Variants in PKD1 observed in about 807,000 individuals in gnomAD.
The protein encoded by PKD1 is polycystin-1.
Under a neutral mutation model 361.7 loss-of-function variants are expected in PKD1, and 81 were observed. The observed-to-expected ratio is 0.22, with a 90% CI of 0.19 to 0.27. The LOEUF is 0.27. Among genes scored for constraint, PKD1 ranks in the 10% least tolerant of loss-of-function variants. The pLI is 1.00. For synonymous variants in PKD1, 3,615 were observed against 2,818.3 expected, an observed-to-expected ratio of 1.28 and a Z score of -8.95; for missense variants, 6,399 against 6,118.3, an observed-to-expected ratio of 1.05 and a Z score of -1.53.
intron 1 of PKD1, among the ~76,000 whole-genome samples, chr16:2,126,547 C>T (rs1305741261): frequency 2.0e-5 from 3 of 152,272 alleles, no homozygotes; most frequent in Non-Finnish European, 4.4e-5. Context: ...TGGGAAAGGG[C>T]GTGAGCTGCA....
chr16:2,120,921 G>A (rs753238042), intron 1 of PKD1, among the ~76,000 whole-genome samples: 15 of 152,070 alleles, frequency 9.9e-5, no homozygotes, highest in Non-Finnish European at 2.1e-4. Flanking sequence ...GGAGGCTGAG[G>A]CAGGAGAATC....
At chr16:2,098,355 CCT>C (rs1200959528) in intron 30 of PKD1, among the ~76,000 whole-genome samples, 2 of 152,016 alleles carry the variant, frequency 1.3e-5, no homozygotes, top group African/African-American at 4.8e-5. Flanking sequence ...ATTACAGGTG[CCT>C]GCCACCATGC....
At chr16:2,093,336 TG>T in intron 37 of PKD1, 1 of 669,268 alleles carries the variant, frequency 1.5e-6, no homozygotes, top group Non-Finnish European at 2.5e-6. Flanking sequence ...CAGGCAGGAG[TG>T]GGCATTGGAG....
rs199878927 is a variant in PKD1 at position 2,090,148 on chromosome 16, C to T, written c.12491G>A (p.Arg4164His). The T allele has an allele frequency of 4.1e-5, 66 of 1,594,500 alleles. No individual in the cohort carries two copies. In the South Asian group the frequency reaches 6.9e-4, roughly 17 times the overall value. Residue 4164 changes from arginine (R) to histidine (H), a missense_variant, in exon 46 of 46, where the codon CGC becomes CAC. Physicochemically the swap from Arg to His is conservative, Grantham distance 29 (BLOSUM62 0). Coordinates refer to ENST00000262304, the MANE Select transcript of PKD1 (RefSeq NM_001009944.3). The stretch of plus-strand genomic sequence containing the variant: ...GGATACCTTGGAGCCCCTGGAGGAG[C>T]GAGAGGGCAGCGGCTCCATCCCTTC... Reference protein sequence around the residue: ...RFEGMEPLPSRSSRGSKVSPD... With the variant: ...RFEGMEPLPSHSSRGSKVSPD...
At position 2,108,154 on chromosome 16, in the gene PKD1, C is replaced by G. The variant is rs2092407691; in HGVS notation, c.6915+98G>C. 4 of 1,470,008 alleles carry G rather than the reference C, an allele frequency of 2.7e-6. No homozygotes were observed. The African/African-American group carries it at 4.2e-5, about 15-fold the overall frequency. The allele number at this position is 1,470,008 out of a possible 1,614,324, so 91.1% of individuals were successfully genotyped here. A position where few individuals can be genotyped will look rare whatever the true frequency, so the allele number is the denominator to read the frequency against. ...ATGCTGGGACGGGGCCCACCAGGCACTGAGGACGGGCCAGCCCTGGTGGCA... is the reference window on the plus strand; with the variant it reads ...ATGCTGGGACGGGGCCCACCAGGCAGTGAGGACGGGCCAGCCCTGGTGGCA... On this transcript the variant is annotated intron_variant, in intron 15 of 45. Transcript: ENST00000262304.
chr16:2,089,294 C>G lies in PKD1; in HGVS notation c.*433G>C, dbSNP rs1383632228. On this transcript the variant is annotated 3_prime_UTR_variant, in exon 46 of 46. Coordinates refer to ENST00000262304, the MANE Select transcript of PKD1 (RefSeq NM_001009944.3). ...CCATATAAATTACTGACACGAGACA[C>G]ACAGTGAGACGGTGCAGGGAGTACG... The G allele has an allele frequency of 4.4e-6, 1 of 226,468 alleles. No homozygotes were observed. Among genetic ancestry groups the G allele is most frequent in the African/African-American group, 2.3e-5 (1 of 43,846 alleles). The allele number at this position is 226,468 out of a possible 1,614,324, so 14.0% of individuals were successfully genotyped here. A position where few individuals can be genotyped will look rare whatever the true frequency, so the allele number is the denominator to read the frequency against.
At chr16:2,119,239 G>A in intron 2 of PKD1, 54 bp from the exon 3 acceptor site, 2 of 1,395,320 alleles carry the variant, frequency 1.4e-6, no homozygotes, top group African/African-American at 2.8e-5. Context: ...CAGCTGAGCA[G>A]CAAGAGGCGG....
rs762911981 is a variant in PKD1 at position 2,108,800 on chromosome 16, G to T, written c.6367C>A (p.Gln2123Lys). 4 of 1,568,134 alleles carry T rather than the reference G, an allele frequency of 2.6e-6. No homozygotes were observed. The highest frequency in any genetic ancestry group is 2.6e-6 in the Non-Finnish European group (3 of 1,157,808). Residue 2123 changes from glutamine (Q) to lysine (K), a missense_variant, in exon 15 of 46, where the codon CAG (glutamine) becomes AAG (lysine). Gln to Lys is a moderately conservative substitution (Grantham distance 53). Coordinates refer to ENST00000262304, the MANE Select transcript of PKD1 (RefSeq NM_001009944.3). ...CTCACCAGGTTGGAGGCGTTCACCT[G>T]CACGCGGTAGTCCCCAGGCCTCAGG... ...SYLRPGDYRV[Q>K]VNASNLVSFF...
Position 2,091,551 on chromosome 16 carries a change from C to G in PKD1, c.11584G>C (p.Gly3862Arg). 6.5e-7 allele frequency: 1 copy of G among 1,527,966 alleles called. No homozygotes were observed. The highest frequency in any genetic ancestry group is 8.7e-7 in the Non-Finnish European group (1 of 1,150,196). The allele number at this position is 1,527,966 out of a possible 1,614,324, so 94.7% of individuals were successfully genotyped here. Residue 3862 changes from glycine to arginine, a missense_variant, in exon 42 of 46, where the codon GGG becomes CGG. By Grantham distance (125) the Gly-to-Arg change is moderately radical. Coordinates refer to ENST00000262304, the MANE Select transcript of PKD1 (RefSeq NM_001009944.3). ...CGCAGCGTGACGGCGGCGTGCAGCC[C>G]CACGGCCGGGCTGTAGCGCGTGAGC... ...LELTRYSPAV[G>R]LHAAVTLRLE...
chr16:2,110,657 C>T lies in PKD1; in HGVS notation c.4510G>A (p.Asp1504Asn), dbSNP rs138882156. Residue 1504 changes from aspartate (D) to asparagine (N), a missense_variant, in exon 15 of 46, where the codon GAC (aspartate) becomes AAC (asparagine). By Grantham distance (23) the Asp-to-Asn change is conservative. Transcript: ENST00000262304. ...RPASYLWDLG[D>N]GGWLEGPEVT... ...TCCGGACCCTCGAGCCACCCACCGT[C>T]CCCCAGATCCCACAGGTAGCTGGCG... 76 of 1,610,028 alleles carry T rather than the reference C, an allele frequency of 4.7e-5. No individual in the cohort carries two copies. The highest frequency in any genetic ancestry group is 2.2e-4 in the Middle Eastern group (1 of 4,474).
rs938555791 is a variant in PKD1, at chr16:2,109,841, G to A, written c.5326C>T (p.Leu1776=). The A allele has an allele frequency of 6.2e-7, 1 of 1,610,672 alleles. No homozygotes were observed. The highest frequency in any genetic ancestry group is 1.3e-5 in the African/African-American group (1 of 74,976). Residue 1776 remains leucine, a synonymous_variant, in exon 15 of 46, where the codon CTG becomes TTG. Transcript: ENST00000262304. ...FTTHSFPTPG[L]HLVTMTAGNP... ...CCTGCCGTCATGGTGACCAAGTGCA[G>A]GCCGGGTGTGGGGAAGCTATGGGTG...
intron 1 of PKD1, among the ~76,000 whole-genome samples, chr16:2,126,358 T>G (rs560518569): frequency 6.6e-6 from 1 of 152,370 alleles, no homozygotes; most frequent in African/African-American, 2.4e-5. Flanking sequence ...TGTCTTCAGA[T>G]CATGGCGCTG....
chr16:2,130,619 C>T (rs2092862121), intron 1 of PKD1, among the ~76,000 whole-genome samples: 1 of 152,232 alleles, frequency 6.6e-6, no homozygotes, highest in African/African-American at 2.4e-5. Flanking sequence ...CCAGGGGCCC[C>T]TCCGTGGCCT....
intron 1 of PKD1, among the ~76,000 whole-genome samples, chr16:2,133,780 C>T (rs1000586932): frequency 1.1e-3 from 159 of 151,148 alleles, no homozygotes; most frequent in Non-Finnish European, 1.9e-3. Context: ...GCCTGGCATT[C>T]GGAATCTTGC....
rs766551411 is a variant in PKD1 at position 2,090,802 on chromosome 16, G to A, written c.12010C>T (p.Gln4004Ter). ...LLFLLLVKAAQQLRFVRQWSV... is the reference protein window; with the variant it reads ...LLFLLLVKAA The stretch of plus-strand genomic sequence containing the variant: ...CACTGGCGCACGAAGCGTAGCTGCT[G>A]GGCAGCCTGCGGACGAGAAATCTGT... The change falls in exon 44 of 46, where the codon CAG becomes TAG. Residue 4004 changes from glutamine to a stop codon, truncating the protein, a stop_gained. Coordinates refer to ENST00000262304, the MANE Select transcript of PKD1 (RefSeq NM_001009944.3). LOFTEE classifies it high-confidence loss of function. 6.2e-7 allele frequency: 1 copy of A among 1,612,464 alleles called. No individual in the cohort carries two copies. Among genetic ancestry groups the A allele is most frequent in the Non-Finnish European group, 8.5e-7 (1 of 1,179,946 alleles).
Position 2,109,864 on chromosome 16 carries a change from G to C in PKD1, c.5303C>G (p.Thr1768Ser). Residue 1768 changes from threonine (T) to serine (S), a missense_variant, in exon 15 of 46, where the codon ACC becomes AGC. Thr to Ser is a moderately conservative substitution (Grantham distance 58). Coordinates refer to ENST00000262304, the MANE Select transcript of PKD1 (RefSeq NM_001009944.3). ...LSWETSEPFT[T>S]HSFPTPGLHL... ...CAGGCCGGGTGTGGGGAAGCTATGG[G>C]TGGTAAATGGCTCGGAGGTCTCCCA... 1.9e-6 allele frequency: 3 copies of C among 1,610,698 alleles called. No individual in the cohort carries two copies. Among genetic ancestry groups the C allele is most frequent in the Non-Finnish European group, 2.5e-6 (3 of 1,179,840 alleles).
In PKD1 at chr16:2,100,367, G is replaced by A. The variant is rs905400568; in HGVS notation, c.9568+29C>T. 3.3e-5 allele frequency: 53 copies of A among 1,611,048 alleles called. No homozygotes were observed. Among genetic ancestry groups the A allele is most frequent in the Non-Finnish European group, 4.3e-5 (51 of 1,179,640 alleles). On this transcript the variant is annotated intron_variant, in intron 27 of 45. Coordinates refer to ENST00000262304, the MANE Select transcript of PKD1 (RefSeq NM_001009944.3). This position sits in a 1 kb window ranked among gnomAD's most constrained non-coding sequence, Gnocchi z 4.4. ...AGGGCGCCCCAATGCGGGGGCAGAG[G>A]GGCAGAGCTTGGCAGGGTCCGCACA...
intron 1 of PKD1, among the ~76,000 whole-genome samples, chr16:2,124,436 C>T (rs1030293748): frequency 6.6e-6 from 1 of 152,228 alleles, no homozygotes; most frequent in Non-Finnish European, 1.5e-5. Context: ...CTGGCAGGGC[C>T]GGGAAGTCTT....
Position 2,118,532 on chromosome 16 carries a change from C to G in PKD1, c.530-70G>C, listed in dbSNP as rs56371853. On this transcript the variant is annotated intron_variant, in intron 4 of 45. Transcript: ENST00000262304. This position sits in a 1 kb window ranked among gnomAD's most constrained non-coding sequence, Gnocchi z 6.0. ...TCCACCCCACGCCCCCACATCCGCC[C>G]GCCGCACTCACAGGCTCCCATGCTG... 1.6e-5 allele frequency: 22 copies of G among 1,353,416 alleles called. No individual in the cohort carries two copies. Among genetic ancestry groups the G allele is most frequent in the Non-Finnish European group, 2.2e-5 (22 of 981,562 alleles). The allele number at this position is 1,353,416 out of a possible 1,614,324, so 83.8% of individuals were successfully genotyped here.
Sources: allele counts gnomAD v4.1 joint callset (sites outside exome capture counted in the v4.1 genomes callset), GRCh38; gene constraint gnomAD v4.1.1; non-coding constraint Gnocchi (gnomAD v3.1); transcripts MANE v1.5; gene names NCBI Gene and HGNC (gene_info 2026-07-23, HGNC 2026-07-21).